LRRC14: variants seen among roughly 807,000 people sequenced by gnomAD.
The protein encoded by LRRC14 is leucine rich repeat containing 14.
Under a neutral mutation model 25.3 loss-of-function variants are expected in LRRC14, and 16 were observed. The observed-to-expected ratio is 0.63, with a 90% CI of 0.43 to 0.96. The LOEUF (loss-of-function observed/expected upper bound fraction) is 0.96, where lower values mean the gene tolerates loss of function less well. LRRC14 is among the 40% of genes least tolerant of loss of function. The pLI, the probability that LRRC14 is intolerant of heterozygous loss-of-function variation, is 0.00. For synonymous variants in LRRC14, 359 were observed against 295.1 expected, an observed-to-expected ratio of 1.22 and a Z score of -2.22; for missense variants, 594 against 660.5, an observed-to-expected ratio of 0.90 and a Z score of 1.10.
rs1816024294 is a variant in LRRC14, at chr8:144,521,243, A to G, written c.1247A>G (p.Asp416Gly). Residue 416 changes from aspartate (D) to glycine (G), a missense_variant, in exon 4 of 4, where the codon GAC becomes GGC. Coordinates refer to ENST00000292524, the MANE Select transcript of LRRC14 (RefSeq NM_014665.4). ...GCGGGCCTCAAGGAGCTGCTGCGGG[A>G]CTCAGTGGCACAGGCTGAGCTGCGT... is the stretch of plus-strand genomic sequence containing the variant. ...SMAGLKELLR[D>G]SVAQAELRTV... 1.9e-6 allele frequency: 3 copies of G among 1,613,156 alleles called. No individual in the cohort carries two copies. Among genetic ancestry groups the G allele is most frequent in the Non-Finnish European group, 2.5e-6 (3 of 1,179,996 alleles).
At position 144,522,235 on chromosome 8, in the gene LRRC14, C is replaced by A. The variant is rs191944424; in HGVS notation, c.*757C>A. On this transcript the variant is annotated 3_prime_UTR_variant, in exon 4 of 4. Transcript: ENST00000292524. ...GTGGCCGGCCAGGGCCAGCGAGGGA[C>A]CCCCCCCATGCAGAGCTGGAGGTTG... The A allele has an allele frequency of 8.0e-3, 3,149 of 392,114 alleles. 22 individuals are homozygous for A. The highest frequency in any genetic ancestry group is 0.011 in the Admixed American group (129 of 11,258). The allele number at this position is 392,114 out of a possible 1,614,324, so 24.3% of individuals were successfully genotyped here.
rs1816062758 is a variant in LRRC14, at chr8:144,521,561, C to T, written c.*83C>T. The T allele has an allele frequency of 4.4e-6, 6 of 1,369,128 alleles. No homozygotes were observed. Among genetic ancestry groups the T allele is most frequent in the Non-Finnish European group, 5.9e-6 (6 of 1,022,166 alleles). The allele number at this position is 1,369,128 out of a possible 1,614,324, so 84.8% of individuals were successfully genotyped here. ...CTTTGCTGGGACCCCTGGTGGAGGCCTTCACAAAAGCACTGGTTACTGGTT... is the reference window on the plus strand; with the variant it reads ...CTTTGCTGGGACCCCTGGTGGAGGCTTTCACAAAAGCACTGGTTACTGGTT... On this transcript the variant is annotated 3_prime_UTR_variant, in exon 4 of 4. Transcript: ENST00000292524.
rs1323302142 is a variant in LRRC14, at chr8:144,523,189, G to A, written c.*1711G>A. Reference sequence around the variant, plus strand: ...CGGAGGCTTGGCAGGCAACCCGCAGGTCCTCACCCAGGTTGGCTGTGAGCT... The same window carrying A: ...CGGAGGCTTGGCAGGCAACCCGCAGATCCTCACCCAGGTTGGCTGTGAGCT... On this transcript the variant is annotated 3_prime_UTR_variant, in exon 4 of 4. Coordinates refer to ENST00000292524, the MANE Select transcript of LRRC14 (RefSeq NM_014665.4). The A allele has an allele frequency of 2.5e-6, 4 of 1,609,938 alleles. No homozygotes were observed. In the South Asian group the frequency reaches 4.4e-5, roughly 18 times the overall value.
rs542469175 is a variant in LRRC14 at position 144,521,493 on chromosome 8, G to C, written c.*15G>C. 9 of 1,586,510 alleles carry C rather than the reference G, an allele frequency of 5.7e-6. No individual in the cohort carries two copies. The highest frequency in any genetic ancestry group is 7.7e-6 in the Non-Finnish European group (9 of 1,170,384). On this transcript the variant is annotated 3_prime_UTR_variant, in exon 4 of 4. Transcript: ENST00000292524. ...TCAGCCTATGATGAAGTAGCTCTGG[G>C]TGAGACACAGGCCGCCCTGCAGTCT...
Position 144,522,931 on chromosome 8 carries a change from G to C in LRRC14, c.*1453G>C. 1.3e-6 allele frequency: 2 copies of C among 1,529,784 alleles called. No individual in the cohort carries two copies. Among genetic ancestry groups the C allele is most frequent in the Non-Finnish European group, 1.7e-6 (2 of 1,148,470 alleles). The allele number at this position is 1,529,784 out of a possible 1,614,324, so 94.8% of individuals were successfully genotyped here. A position where few individuals can be genotyped will look rare whatever the true frequency, so the allele number is the denominator to read the frequency against. ...GCTGCGGCTGCTGCCGGGACGCGTTGACCAGGAGCCGGAAGGGCACGCGGG... is the reference window on the plus strand; with the variant it reads ...GCTGCGGCTGCTGCCGGGACGCGTTCACCAGGAGCCGGAAGGGCACGCGGG... On this transcript the variant is annotated 3_prime_UTR_variant, in exon 4 of 4. Coordinates refer to ENST00000292524, the MANE Select transcript of LRRC14 (RefSeq NM_014665.4).
intron 1 of LRRC14, chr8:144,518,650 C>G (rs1191199760): frequency 2.0e-5 from 3 of 152,272 alleles, no homozygotes; most frequent in Non-Finnish European, 4.4e-5. Flanking sequence ...AAAGAAGGGC[C>G]TTGGGGCCAG....
rs993912922 is a variant in LRRC14 at position 144,524,856 on chromosome 8, C to A, written c.*3378C>A. On this transcript the variant is annotated 3_prime_UTR_variant, in exon 4 of 4. Transcript: ENST00000292524. ...GATTCCCAGCGGGACGACGCGCAACCGCAGGGCGCCACACTCCACCGTGGC... is the reference window on the plus strand; with the variant it reads ...GATTCCCAGCGGGACGACGCGCAACAGCAGGGCGCCACACTCCACCGTGGC... The A allele has an allele frequency of 3.3e-6, 5 of 1,493,922 alleles. No homozygotes were observed. Among genetic ancestry groups the A allele is most frequent in the Non-Finnish European group, 4.5e-6 (5 of 1,121,468 alleles). The allele number at this position is 1,493,922 out of a possible 1,614,324, so 92.5% of individuals were successfully genotyped here. A position where few individuals can be genotyped will look rare whatever the true frequency, so the allele number is the denominator to read the frequency against.
chr8:144,521,187 C>T lies in LRRC14; in HGVS notation c.1191C>T (p.Tyr397=), dbSNP rs1167953184. 3 of 1,613,248 alleles carry T rather than the reference C, an allele frequency of 1.9e-6. No homozygotes were observed. Among genetic ancestry groups the T allele is most frequent in the East Asian group, 4.5e-5 (2 of 44,890 alleles). Residue 397 remains tyrosine (Y), a synonymous_variant, in exon 4 of 4, where the codon TAC becomes TAT. Transcript: ENST00000292524. ...PILTQCASLR[Y]LGLYGNPLSM... ...TGACTCAGTGCGCCAGTCTCCGGTA[C>T]CTTGGCCTCTATGGCAACCCACTGT... is the stretch of plus-strand genomic sequence containing the variant.
At position 144,524,014 on chromosome 8, in the gene LRRC14, C is replaced by T. The variant is rs1227117565; in HGVS notation, c.*2536C>T. The T allele has an allele frequency of 4.2e-6, 6 of 1,414,506 alleles. No homozygotes were observed. The Admixed American group carries it at 8.5e-5, about 20-fold the overall frequency. The allele number at this position is 1,414,506 out of a possible 1,614,324, so 87.6% of individuals were successfully genotyped here. On this transcript the variant is annotated 3_prime_UTR_variant, in exon 4 of 4. Coordinates refer to ENST00000292524, the MANE Select transcript of LRRC14 (RefSeq NM_014665.4). Reference sequence around the variant, plus strand: ...GGTGGTGCAGCCTTCCAGACTGCTGCCCAGTTGCCTGATGTCAGAGCCCCT... The same window carrying T: ...GGTGGTGCAGCCTTCCAGACTGCTGTCCAGTTGCCTGATGTCAGAGCCCCT...
At position 144,524,244 on chromosome 8, in the gene LRRC14, A is replaced by G. The variant is rs748857220; in HGVS notation, c.*2766A>G. The G allele has an allele frequency of 5.0e-6, 8 of 1,612,498 alleles. No homozygotes were observed. Among genetic ancestry groups the G allele is most frequent in the South Asian group, 2.2e-5 (2 of 91,086 alleles). ...TAGAGCCTGGTCCTCCAGCAGCTCA[A>G]TGCTGTTTTCTTGCAGGTGAAGCTC... On this transcript the variant is annotated 3_prime_UTR_variant, in exon 4 of 4. Coordinates refer to ENST00000292524, the MANE Select transcript of LRRC14 (RefSeq NM_014665.4).
rs540564238 is a variant in LRRC14 at position 144,524,540 on chromosome 8, C to G, written c.*3062C>G. 1 of 1,582,516 alleles carries G rather than the reference C, an allele frequency of 6.3e-7. No homozygotes were observed. Among genetic ancestry groups the G allele is most frequent in the South Asian group, 1.1e-5 (1 of 89,578 alleles). ...CCAGGCCTACGAAGGCGCCGCTGCGCAAGCCGCGCAGCCGGTTGCTAGTGA... is the reference window on the plus strand; with the variant it reads ...CCAGGCCTACGAAGGCGCCGCTGCGGAAGCCGCGCAGCCGGTTGCTAGTGA... On this transcript the variant is annotated 3_prime_UTR_variant, in exon 4 of 4. Coordinates refer to ENST00000292524, the MANE Select transcript of LRRC14 (RefSeq NM_014665.4).
intron 2 of LRRC14, 83 bp from the exon 3 acceptor site, chr8:144,520,155 C>G: frequency 6.4e-7 from 1 of 1,558,504 alleles, no homozygotes; most frequent in Non-Finnish European, 8.7e-7. Flanking sequence ...CAGGAGCAGG[C>G]GCGTTGCTCC....
chr8:144,522,429 G>C lies in LRRC14; in HGVS notation c.*951G>C. On this transcript the variant is annotated 3_prime_UTR_variant, in exon 4 of 4. Transcript: ENST00000292524. ...TTACTGACGGAGCATGCGCGAGGCC[G>C]CACCGGCCAATCTCCGGCGCCCACG... is the stretch of plus-strand genomic sequence containing the variant. 7.2e-7 allele frequency: 1 copy of C among 1,381,230 alleles called. No homozygotes were observed. The highest frequency in any genetic ancestry group is 9.3e-7 in the Non-Finnish European group (1 of 1,075,630). 85.6% of individuals were successfully genotyped at this position (1,381,230 alleles called of 1,614,324 possible). A position where few individuals can be genotyped will look rare whatever the true frequency, so the allele number is the denominator to read the frequency against.
At chr8:144,519,214 G>C (rs913854827) in intron 1 of LRRC14, 1 of 176,228 alleles carries the variant, frequency 5.7e-6, no homozygotes, top group African/African-American at 2.4e-5. Context: ...GCCCTGGAGA[G>C]CATCTGTGAG....
In LRRC14 at chr8:144,523,970, C is replaced by T. The variant is rs554722312; in HGVS notation, c.*2492C>T. On this transcript the variant is annotated 3_prime_UTR_variant, in exon 4 of 4. Transcript: ENST00000292524. ...CCCCAGCACACCCACTCCCGCAGCCCTCCAGTGTGGCTGCAGGCGGTGGTG... is the reference window on the plus strand; with the variant it reads ...CCCCAGCACACCCACTCCCGCAGCCTTCCAGTGTGGCTGCAGGCGGTGGTG... 79 of 998,184 alleles carry T rather than the reference C, an allele frequency of 7.9e-5. 1 individual carries two copies. The South Asian group carries it at 1.2e-3, about 15-fold the overall frequency. 61.8% of individuals were successfully genotyped at this position (998,184 alleles called of 1,614,324 possible). A position where few individuals can be genotyped will look rare whatever the true frequency, so the allele number is the denominator to read the frequency against.
chr8:144,524,952 A>T lies in LRRC14; in HGVS notation c.*3474A>T. ...CAGTAGTAGCAGCAGCAGCGGCAGC[A>T]GTGCGGGGGCCCTCAGGGCCATCTC... On this transcript the variant is annotated 3_prime_UTR_variant, in exon 4 of 4. Coordinates refer to ENST00000292524, the MANE Select transcript of LRRC14 (RefSeq NM_014665.4). 1 of 1,492,556 alleles carries T rather than the reference A, an allele frequency of 6.7e-7. No individual in the cohort carries two copies. 92.5% of individuals were successfully genotyped at this position (1,492,556 alleles called of 1,614,324 possible).
In LRRC14 at chr8:144,521,198, A is replaced by C. The variant is rs1167727057; in HGVS notation, c.1202A>C (p.Tyr401Ser). The change falls in exon 4 of 4, where the codon TAT becomes TCT. Residue 401 changes from tyrosine to serine, a missense_variant. Physicochemically the swap from Tyr to Ser is moderately radical, Grantham distance 144. Coordinates refer to ENST00000292524, the MANE Select transcript of LRRC14 (RefSeq NM_014665.4). Reference protein sequence around the residue: ...QCASLRYLGLYGNPLSMAGLK... With the variant: ...QCASLRYLGLSGNPLSMAGLK... ...GCCAGTCTCCGGTACCTTGGCCTCT[A>C]TGGCAACCCACTGTCCATGGCGGGC... 1 of 1,613,140 alleles carries C rather than the reference A, an allele frequency of 6.2e-7. No individual in the cohort carries two copies.
At position 144,523,164 on chromosome 8, in the gene LRRC14, C is replaced by A; in HGVS notation, c.*1686C>A. 1 of 1,610,676 alleles carries A rather than the reference C, an allele frequency of 6.2e-7. No homozygotes were observed. The highest frequency in any genetic ancestry group is 1.1e-5 in the South Asian group (1 of 90,864). On this transcript the variant is annotated 3_prime_UTR_variant, in exon 4 of 4. Transcript: ENST00000292524. ...CAGGTCACCAATGGCTGCGGGTAGCCGGAGGCTTGGCAGGCAACCCGCAGG... is the reference window on the plus strand; with the variant it reads ...CAGGTCACCAATGGCTGCGGGTAGCAGGAGGCTTGGCAGGCAACCCGCAGG...
At position 144,524,657 on chromosome 8, in the gene LRRC14, G is replaced by A. The variant is rs753094255; in HGVS notation, c.*3179G>A. On this transcript the variant is annotated 3_prime_UTR_variant, in exon 4 of 4. Coordinates refer to ENST00000292524, the MANE Select transcript of LRRC14 (RefSeq NM_014665.4). ...TGTGCAGGTAGAGCCGGCGCAGAGC[G>A]GCGAGTGGCGCCAGGGCTCCCGGCT... 1.5e-5 allele frequency: 23 copies of A among 1,496,278 alleles called. No individual in the cohort carries two copies. Among genetic ancestry groups the A allele is most frequent in the Non-Finnish European group, 2.0e-5 (23 of 1,133,068 alleles). 92.7% of individuals were successfully genotyped at this position (1,496,278 alleles called of 1,614,324 possible).
Sources: gnomAD v4.1 joint callset for allele counts on GRCh38, gnomAD v4.1.1 for gene constraint, MANE v1.5 for transcripts, NCBI Gene and HGNC (gene_info 2026-07-23, HGNC 2026-07-21) for gene names.